CNBD1: variants seen among roughly 807,000 people sequenced by gnomAD.
CNBD1 encodes the protein cyclic nucleotide binding domain containing 1, also known as cyclic nucleotide-binding domain-containing protein 1.
Under a neutral mutation model 54.4 loss-of-function variants are expected in CNBD1, and 71 were observed. The observed-to-expected ratio is 1.30, with a 90% confidence interval of 1.08 to 1.59. The LOEUF (loss-of-function observed/expected upper bound fraction) is 1.59. Among genes scored for constraint, CNBD1 ranks in the 40% most tolerant of loss-of-function variants. The probability of loss-of-function intolerance (pLI) is 0.00; values close to 1 mark genes in which losing one functional copy is unlikely to be tolerated. For missense variants in CNBD1, 659 were observed against 518.0 expected (o/e 1.27, Z -2.64); for synonymous variants, 182 against 170.7 (o/e 1.07, Z -0.51).
intron 4 of CNBD1, among the ~76,000 whole-genome samples, chr8:87,039,282 TTTAGAATTTATAAGTA>T (rs1264444762): frequency 9.9e-5 from 15 of 152,144 alleles, no homozygotes; most frequent in Non-Finnish European, 2.1e-4. Context: ...TATAAAACAT[TTTAGAATTTATAAGTA>T]TATTTTCTAC....
intron 4 of CNBD1, among the ~76,000 whole-genome samples, chr8:87,131,552 A>G (rs1354491780): frequency 6.6e-6 from 1 of 152,050 alleles, no homozygotes; most frequent in East Asian, 1.9e-4. Flanking sequence ...TAAGCATTTA[A>G]AGCTATTTCC....
At chr8:87,366,119 T>C (rs1162560117) in intron 10 of CNBD1, among the ~76,000 whole-genome samples, 1 of 152,066 alleles carries the variant, frequency 6.6e-6, no homozygotes, top group East Asian at 1.9e-4. Flanking sequence ...ACATAACAAA[T>C]TACCATAAAT....
chr8:86,925,622 A>G (rs1380276280), intron 3 of CNBD1, among the ~76,000 whole-genome samples: 1 of 151,326 alleles, frequency 6.6e-6, no homozygotes, highest in Non-Finnish European at 1.5e-5. Flanking sequence ...GCTATAATAC[A>G]GGAATATATG....
chr8:86,966,593 C>T (rs1422457068), intron 4 of CNBD1, among the ~76,000 whole-genome samples: 1 of 152,004 alleles, frequency 6.6e-6, no homozygotes, highest in East Asian at 1.9e-4. Context: ...CCGGTGGGTT[C>T]ATCGTCTCAC....
At chr8:87,423,240 C>T (rs1192971329) in intron 2 of CNBD1, among the ~76,000 whole-genome samples, 2 of 151,994 alleles carry the variant, frequency 1.3e-5, no homozygotes, top group Admixed American at 6.6e-5. Context: ...ATTTGACTTC[C>T]TCTTTTCCTA....
chr8:87,295,466 T>G (rs1016108858), intron 8 of CNBD1, among the ~76,000 whole-genome samples: 1 of 151,928 alleles, frequency 6.6e-6, no homozygotes, highest in Admixed American at 6.6e-5. Context: ...TAAAATAAAT[T>G]AAGAATTTAT....
At chr8:87,326,210 G>A (rs1394747240) in intron 8 of CNBD1, among the ~76,000 whole-genome samples, 4 of 123,856 alleles carry the variant, frequency 3.2e-5, no homozygotes, top group Non-Finnish European at 5.4e-5. Flanking sequence ...AGGGTAACCC[G>A]ACCTTTCTCT....
intron 4 of CNBD1, among the ~76,000 whole-genome samples, chr8:87,205,284 G>A (rs1363197173): frequency 3.9e-5 from 6 of 152,026 alleles, no homozygotes; most frequent in Admixed American, 6.6e-5. Flanking sequence ...CACCCGCCTC[G>A]GCCTCCCAAA....
At chr8:87,261,240 CA>C (rs1053990781) in intron 6 of CNBD1, among the ~76,000 whole-genome samples, 73 of 152,004 alleles carry the variant, frequency 4.8e-4, no homozygotes, top group African/African-American at 1.7e-3. Context: ...TGTGGAGCTC[CA>C]AAATCTGAAA....
At position 87,299,293 on chromosome 8, in the gene CNBD1, C is replaced by T. The variant is rs115946662; in HGVS notation, c.1042+12622C>T. Among the ~76,000 whole-genome samples, 958 of 152,252 alleles carry T rather than the reference C, an allele frequency of 6.3e-3. 11 individuals carry two copies. The highest frequency in any genetic ancestry group is 0.022 in the African/African-American group (914 of 41,548). On this transcript the variant is annotated intron_variant, in intron 8 of 10. Transcript: ENST00000518476. The stretch of plus-strand genomic sequence containing the variant: ...CACATTTTCTCCCCTGTCCCTTCTC[C>T]TGGCCATGCTTCTCTAGTCCCGACG...
At chr8:87,034,236 C>T (rs935740731) in intron 4 of CNBD1, among the ~76,000 whole-genome samples, 1 of 152,206 alleles carries the variant, frequency 6.6e-6, no homozygotes, top group Non-Finnish European at 1.5e-5. Context: ...CTTTTCTCTG[C>T]TTCTTGGGAG....
intron 4 of CNBD1, among the ~76,000 whole-genome samples, chr8:87,111,840 C>T (rs1335428901): frequency 1.3e-5 from 2 of 151,892 alleles, no homozygotes; most frequent in Non-Finnish European, 2.9e-5. Context: ...ACAGTAATTA[C>T]TCCCACCTTG....
intron 4 of CNBD1, among the ~76,000 whole-genome samples, chr8:87,143,049 C>T (rs1034979508): frequency 1.3e-4 from 20 of 152,040 alleles, no homozygotes; most frequent in East Asian, 1.9e-4. Context: ...CAAGTCAAAC[C>T]GTTTAATTAC....
At chr8:87,227,087 G>A (rs1484705058) in intron 5 of CNBD1, among the ~76,000 whole-genome samples, 1 of 151,636 alleles carries the variant, frequency 6.6e-6, no homozygotes, top group Non-Finnish European at 1.5e-5. Context: ...GTTTTCCATT[G>A]GCTTGGTAGA....
chr8:87,426,373 G>T (rs1319294749), intron 2 of CNBD1, among the ~76,000 whole-genome samples: 1 of 152,084 alleles, frequency 6.6e-6, no homozygotes, highest in Non-Finnish European at 1.5e-5. Context: ...ATTATTAAAT[G>T]CAACATCATG....
intron 3 of CNBD1, among the ~76,000 whole-genome samples, chr8:86,917,858 C>G (rs953023266): frequency 3.9e-5 from 6 of 152,026 alleles, no homozygotes; most frequent in African/African-American, 1.5e-4. Context: ...GTTAAAACAG[C>G]CTTTATTTAC....
intron 10 of CNBD1, among the ~76,000 whole-genome samples, chr8:87,358,979 C>T (rs1810477980): frequency 1.3e-5 from 2 of 152,116 alleles, no homozygotes; most frequent in African/African-American, 4.8e-5. Flanking sequence ...GGTGGATTTT[C>T]CTTAATTCAT....
chr8:87,366,815 G>A (rs1810651412), intron 10 of CNBD1, among the ~76,000 whole-genome samples: 1 of 152,066 alleles, frequency 6.6e-6, no homozygotes, highest in South Asian at 2.1e-4. Flanking sequence ...GGGAGAAGAG[G>A]ATGGCAAACA....
intron 6 of CNBD1, among the ~76,000 whole-genome samples, chr8:87,266,110 T>G (rs1332526809): frequency 6.6e-6 from 1 of 152,008 alleles, no homozygotes; most frequent in East Asian, 1.9e-4. Flanking sequence ...CTAAATTACA[T>G]TCATGAACAG....
Sources: allele counts gnomAD v4.1 joint callset (sites outside exome capture counted in the v4.1 genomes callset), GRCh38; gene constraint gnomAD v4.1.1; transcripts MANE v1.5; gene names NCBI Gene and HGNC (gene_info 2026-07-23, HGNC 2026-07-21).